Variants in ADGRL2 observed in about 807,000 individuals in gnomAD.
The protein encoded by ADGRL2 is adhesion G protein-coupled receptor L2.
ADGRL2 carries 44 observed loss-of-function variants against 157.4 expected under a neutral mutation model. The ratio of observed to expected loss-of-function variants is 0.28; its 90% CI spans 0.22 to 0.36. The LOEUF is 0.36. Ranked by LOEUF, ADGRL2 falls within the 10% of genes least tolerant of loss-of-function variation. ADGRL2 has a pLI of 1.00. For missense variants in ADGRL2, 1,510 were observed against 1,768.9 expected, an observed-to-expected ratio of 0.85 and a Z score of 2.63; for synonymous variants, 585 against 624.7, an observed-to-expected ratio of 0.94 and a Z score of 0.95.
intron 2 of ADGRL2, among the ~76,000 whole-genome samples, chr1:81,562,308 AT>A (rs1339157367): frequency 1.3e-5 from 2 of 152,134 alleles, no homozygotes; most frequent in African/African-American, 2.4e-5. Flanking sequence ...AACACCAGTA[AT>A]TTTGTTCCAT....
intron 1 of ADGRL2, among the ~76,000 whole-genome samples, chr1:81,716,678 G>C (rs1241241961): frequency 6.6e-6 from 1 of 152,050 alleles, no homozygotes; most frequent in African/African-American, 2.4e-5. Context: ...AACAAAATCA[G>C]TATCTAAGAA....
At chr1:81,370,425 C>G (rs747777122) in intron 1 of ADGRL2, among the ~76,000 whole-genome samples, 9 of 152,008 alleles carry the variant, frequency 5.9e-5, no homozygotes, top group African/African-American at 9.7e-5. Context: ...TAGGGGAATG[C>G]TTTTGTCTGT....
intron 1 of ADGRL2, among the ~76,000 whole-genome samples, chr1:81,805,460 C>A (rs12121041): frequency 6.6e-6 from 1 of 151,922 alleles, no homozygotes; most frequent in Non-Finnish European, 1.5e-5. Flanking sequence ...GAATTGATAA[C>A]CTTTCATTTA....
chr1:81,492,142 A>ACTGC (rs1165653112), intron 2 of ADGRL2, among the ~76,000 whole-genome samples: 3 of 152,198 alleles, frequency 2.0e-5, no homozygotes. Flanking sequence ...GGAAATAAAG[A>ACTGC]CTGCCCATCT....
At chr1:81,939,723 T>C (rs1647222842) in intron 4 of ADGRL2, among the ~76,000 whole-genome samples, 1 of 151,456 alleles carries the variant, frequency 6.6e-6, no homozygotes, top group African/African-American at 2.4e-5. Flanking sequence ...CAAGTTGTAG[T>C]ATATATTTGG....
intron 3 of ADGRL2, among the ~76,000 whole-genome samples, chr1:81,662,003 T>C (rs1054917010): frequency 1.3e-5 from 2 of 152,122 alleles, no homozygotes; most frequent in African/African-American, 4.8e-5. Context: ...GAGTTTTTTT[T>C]TTAATTTATA....
intron 1 of ADGRL2, chr1:81,426,458 T>G: frequency 2.6e-6 from 1 of 387,806 alleles, no homozygotes; most frequent in Non-Finnish European, 5.0e-6. Context: ...GGTCTCAAAA[T>G]GGAGGTAAAA....
At chr1:81,602,278 G>GC (rs2081347440) in intron 3 of ADGRL2, among the ~76,000 whole-genome samples, 4 of 152,036 alleles carry the variant, frequency 2.6e-5, no homozygotes, top group Admixed American at 2.6e-4. Context: ...TGGCCCACAT[G>GC]ATGAAACCCT....
intron 11 of ADGRL2, among the ~76,000 whole-genome samples, chr1:81,957,316 A>G (rs1483565917): frequency 2.0e-5 from 3 of 152,158 alleles, no homozygotes; most frequent in Non-Finnish European, 4.4e-5. Flanking sequence ...TAGATCCAAG[A>G]TATTTTTATC....
chr1:81,800,479 G>C (rs931180668), upstream of ADGRL2: 1 of 151,912 alleles, frequency 6.6e-6, no homozygotes, highest in African/African-American at 2.4e-5. Flanking sequence ...CCTCTGGCTC[G>C]GTGCGTGGAG....
chr1:81,911,298 CT>C, intron 3 of ADGRL2, among the ~76,000 whole-genome samples: 1 of 151,902 alleles, frequency 6.6e-6, no homozygotes, highest in Non-Finnish European at 1.5e-5. Flanking sequence ...CCATTTAGTA[CT>C]CTTTAAAGAT....
rs200562004 is a variant in ADGRL2 at position 81,969,219 on chromosome 1, C to A, written c.2565C>A (p.Thr855=). Residue 855 remains threonine, a synonymous_variant, in exon 15 of 24, where the codon ACC becomes ACA. Transcript: ENST00000686636. ...GVHELLLTVI[T]WVGIVISLVC... Reference sequence around the variant, plus strand: ...ATGAATTACTTCTTACAGTCATCACCTGGGTGGGAATTGTCATTTCCCTTG... The same window carrying A: ...ATGAATTACTTCTTACAGTCATCACATGGGTGGGAATTGTCATTTCCCTTG... The A allele has an allele frequency of 1.1e-5, 17 of 1,613,924 alleles. No homozygotes were observed. The highest frequency in any genetic ancestry group is 8.5e-7 in the Non-Finnish European group (1 of 1,179,880).
intron 2 of ADGRL2, among the ~76,000 whole-genome samples, chr1:81,794,340 G>C (rs11163378): frequency 0.29 from 44,346 of 151,978 alleles, 7,125 homozygotes; most frequent in Middle Eastern, 0.49. Context: ...ATCCTCGTTA[G>C]TTATATTGTA....
At chr1:81,642,812 C>T (rs889870719) in intron 3 of ADGRL2, among the ~76,000 whole-genome samples, 2 of 151,946 alleles carry the variant, frequency 1.3e-5, no homozygotes, top group African/African-American at 2.4e-5. Flanking sequence ...ATGACATGAA[C>T]GGGTTAAGAA....
chr1:81,455,688 A>G (rs765492060), intron 2 of ADGRL2, among the ~76,000 whole-genome samples: 9 of 152,330 alleles, frequency 5.9e-5, no homozygotes, highest in Admixed American at 3.3e-4. Context: ...GAAAATTTGT[A>G]TATGTTCTGT....
intron 2 of ADGRL2, among the ~76,000 whole-genome samples, chr1:81,472,345 G>A (rs1034057752): frequency 6.6e-6 from 1 of 152,174 alleles, no homozygotes; most frequent in Non-Finnish European, 1.5e-5. Context: ...TTGCATTTAG[G>A]CCGTGCACCA....
intron 3 of ADGRL2, among the ~76,000 whole-genome samples, chr1:81,687,849 T>C (rs1374427005): frequency 6.6e-6 from 1 of 152,226 alleles, no homozygotes; most frequent in Non-Finnish European, 1.5e-5. Context: ...TTAGCAGTTC[T>C]TGCAGTGGTG....
chr1:81,691,644 G>A (rs554424), intron 3 of ADGRL2, among the ~76,000 whole-genome samples: 58,311 of 151,070 alleles, frequency 0.39, 11,658 homozygotes, highest in African/African-American at 0.48. Context: ...GATTACAGGC[G>A]TGTGCCACTA....
intron 1 of ADGRL2, among the ~76,000 whole-genome samples, chr1:81,377,781 G>A (rs1452660972): frequency 8.2e-6 from 1 of 122,296 alleles, no homozygotes; most frequent in Non-Finnish European, 1.7e-5. Flanking sequence ...AAAAAAGAAA[G>A]TGTATTACCC....
Sources: allele counts gnomAD v4.1 joint callset (sites outside exome capture counted in the v4.1 genomes callset), GRCh38; gene constraint gnomAD v4.1.1; transcripts MANE v1.5; gene names NCBI Gene and HGNC (gene_info 2026-07-23, HGNC 2026-07-21).